Variants in DIPK1A observed in about 807,000 individuals in gnomAD.
DIPK1A encodes divergent protein kinase domain 1A.
Under a neutral mutation model 40.8 loss-of-function variants are expected in DIPK1A, and 27 were observed. That is an observed-to-expected ratio of 0.66 (90% CI 0.49 to 0.91). The LOEUF (loss-of-function observed/expected upper bound fraction) is 0.91, where lower values mean the gene tolerates loss of function less well. DIPK1A is among the 40% of genes least tolerant of loss of function. DIPK1A has a pLI of 0.00. For synonymous variants in DIPK1A, 166 were observed against 171.3 expected (o/e 0.97, Z 0.24); for missense variants, 412 against 505.7 (o/e 0.81, Z 1.78).
intron 1 of DIPK1A, among the ~76,000 whole-genome samples, chr1:92,899,775 AC>A: frequency 6.6e-6 from 1 of 152,142 alleles, no homozygotes; most frequent in Admixed American, 6.5e-5. Flanking sequence ...TTATCTTTTC[AC>A]TTCCAGAGAT....
At position 92,941,965 on chromosome 1, in the gene DIPK1A, G is replaced by A. The variant is rs371345686; in HGVS notation, c.54+19411C>T. ...AGATCACACCATTGCACTCCAGCCT[G>A]GGTGACAGAGGGAGACTCTGTCTCA... On this transcript the variant is annotated intron_variant, in intron 1 of 4. Transcript: ENST00000370310. 6.6e-5 allele frequency among the ~76,000 whole-genome samples: 10 copies of A among 151,582 alleles called. No homozygotes were observed. The East Asian group carries it at 1.7e-3, about 26-fold the overall frequency.
chr1:92,849,140 T>G (rs1687725704), intron 3 of DIPK1A, among the ~76,000 whole-genome samples: 1 of 152,162 alleles, frequency 6.6e-6, no homozygotes, highest in Non-Finnish European at 1.5e-5. Flanking sequence ...TTCAGAAAGG[T>G]CTTCTCTGAT....
At position 92,882,383 on chromosome 1, in the gene DIPK1A, C is replaced by T. The variant is rs148143686; in HGVS notation, c.55-5953G>A. On this transcript the variant is annotated intron_variant, in intron 1 of 4. Coordinates refer to ENST00000370310, the MANE Select transcript of DIPK1A (RefSeq NM_001006605.5). The stretch of plus-strand genomic sequence containing the variant: ...AGCCTGGGCGACAAGAACAAAACTC[C>T]GTCTCAAAAAAATAAATAAATAAAA... Among the ~76,000 whole-genome samples the T allele has an allele frequency of 4.6e-5, 7 of 152,232 alleles. No homozygotes were observed. The East Asian group carries it at 5.8e-4, about 13-fold the overall frequency.
At chr1:92,920,871 T>C (rs1283524054) in intron 1 of DIPK1A, among the ~76,000 whole-genome samples, 9 of 151,970 alleles carry the variant, frequency 5.9e-5, no homozygotes, top group Non-Finnish European at 1.2e-4. Flanking sequence ...TCAGAGAACA[T>C]TGGGTATCAG....
chr1:92,927,178 T>C (rs1284570462), intron 1 of DIPK1A, among the ~76,000 whole-genome samples: 1 of 152,084 alleles, frequency 6.6e-6, no homozygotes, highest in African/African-American at 2.4e-5. Context: ...TAGAATTCAA[T>C]GTTTTGTTGT....
chr1:92,844,423 T>C (rs777533616), intron 4 of DIPK1A, among the ~76,000 whole-genome samples: 4 of 152,288 alleles, frequency 2.6e-5, no homozygotes, highest in East Asian at 1.9e-4. Flanking sequence ...ACTTGTCTGT[T>C]TGTTAGGAAA....
intron 1 of DIPK1A, among the ~76,000 whole-genome samples, chr1:92,886,861 A>G (rs1648621173): frequency 6.6e-6 from 1 of 152,054 alleles, no homozygotes; most frequent in Non-Finnish European, 1.5e-5. Context: ...CAGTTACTCT[A>G]GTTGTCGATA....
At chr1:92,857,656 A>G (rs1688031142) in intron 2 of DIPK1A, among the ~76,000 whole-genome samples, 1 of 152,108 alleles carries the variant, frequency 6.6e-6, no homozygotes, top group Non-Finnish European at 1.5e-5. Flanking sequence ...ATACTGTTCT[A>G]TGAGATTTGC....
chr1:92,937,004 C>T (rs1650972333), intron 1 of DIPK1A, among the ~76,000 whole-genome samples: 2 of 152,152 alleles, frequency 1.3e-5, no homozygotes, highest in South Asian at 4.1e-4. Context: ...CCACTAGCTA[C>T]CAAGAGTTTA....
At chr1:92,882,944 T>TA (rs1423347027) in intron 1 of DIPK1A, among the ~76,000 whole-genome samples, 2 of 152,210 alleles carry the variant, frequency 1.3e-5, no homozygotes, top group Non-Finnish European at 2.9e-5. Context: ...CTTAGAATGT[T>TA]AAACAGCTTT....
chr1:92,860,646 A>AAAAAAAAAAAACCCAGGTG (rs148916481), intron 2 of DIPK1A, among the ~76,000 whole-genome samples: 1 of 105,212 alleles, frequency 9.5e-6, no homozygotes, highest in South Asian at 3.2e-4. Context: ...AAAAAAAAAA[A>AAAAAAAAAAAACCCAGGTG]TGGTGGTGTG....
In DIPK1A at chr1:92,876,430, C is replaced by G. The variant is rs1403177270; in HGVS notation, c.55G>C (p.Ala19Pro). 1.9e-6 allele frequency: 3 copies of G among 1,610,568 alleles called. No individual in the cohort carries two copies. The highest frequency in any genetic ancestry group is 2.2e-5 in the South Asian group (2 of 90,298). The change falls in exon 2 of 5, where the codon GCT (alanine) becomes CCT (proline). Residue 19 changes from alanine (A) to proline (P), a missense_variant and splice_region_variant. Transcript: ENST00000370310. ...TTCATCCGCACATATGAGAAGCGAG[C>G]CTGTGAGTAAAAAAGAACATAACGA... Reference protein sequence around the residue: ...AWLRKPYYLQARFSYVRMKYL... With the variant: ...AWLRKPYYLQPRFSYVRMKYL...
In DIPK1A at chr1:92,899,423, C is replaced by A. The variant is rs755385941; in HGVS notation, c.55-22993G>T. On this transcript the variant is annotated intron_variant, in intron 1 of 4. Coordinates refer to ENST00000370310, the MANE Select transcript of DIPK1A (RefSeq NM_001006605.5). The stretch of plus-strand genomic sequence containing the variant: ...ATATCATTTTCCATCCCTTCACTTT[C>A]AGTCTATATGTGTCTTTACAATTGA... Among the ~76,000 whole-genome samples the A allele has an allele frequency of 2.6e-5, 4 of 152,178 alleles. No individual in the cohort carries two copies. The South Asian group carries it at 6.2e-4, about 24-fold the overall frequency.
intron 2 of DIPK1A, among the ~76,000 whole-genome samples, chr1:92,874,280 T>C (rs1245486765): frequency 2.6e-5 from 4 of 152,230 alleles, no homozygotes; most frequent in African/African-American, 9.6e-5. Flanking sequence ...TGATACAAGA[T>C]ATTTAAAAGC....
rs555983463 is a variant in DIPK1A at position 92,891,380 on chromosome 1, T to C, written c.55-14950A>G. ...TGCTTTTCTAGCTCCTTGAGATACATTGTTAATTCATTTATTTAAAATCTT... is the reference window on the plus strand; with the variant it reads ...TGCTTTTCTAGCTCCTTGAGATACACTGTTAATTCATTTATTTAAAATCTT... On this transcript the variant is annotated intron_variant, in intron 1 of 4. Coordinates refer to ENST00000370310, the MANE Select transcript of DIPK1A (RefSeq NM_001006605.5). Among the ~76,000 whole-genome samples, 24 of 152,240 alleles carry C rather than the reference T, an allele frequency of 1.6e-4. 1 individual carries two copies. The highest frequency in any genetic ancestry group is 1.2e-3 in the South Asian group (6 of 4,830).
intron 2 of DIPK1A, among the ~76,000 whole-genome samples, 176 bp from the exon 3 acceptor site, chr1:92,851,131 A>C (rs1228351268): frequency 6.6e-6 from 1 of 152,160 alleles, no homozygotes; most frequent in Non-Finnish European, 1.5e-5. Context: ...GATTATGAGA[A>C]AGCTTGTTGC....
At chr1:92,867,207 C>G (rs375627684) in intron 2 of DIPK1A, among the ~76,000 whole-genome samples, 1 of 144,124 alleles carries the variant, frequency 6.9e-6, no homozygotes. Context: ...AGTTCTTTTA[C>G]TCCAATTCTT....
chr1:92,928,880 C>G (rs575117390), intron 1 of DIPK1A, among the ~76,000 whole-genome samples: 6 of 151,834 alleles, frequency 4.0e-5, no homozygotes, highest in Non-Finnish European at 7.4e-5. Flanking sequence ...GAGAATTGCT[C>G]GAACCTGGGA....
At position 92,842,883 on chromosome 1, in the gene DIPK1A, C is replaced by G; in HGVS notation, c.*500G>C. 1 of 986,408 alleles carries G rather than the reference C, an allele frequency of 1.0e-6. No homozygotes were observed. Among genetic ancestry groups the G allele is most frequent in the Non-Finnish European group, 1.2e-6 (1 of 830,646 alleles). The allele number at this position is 986,408 out of a possible 1,614,324, so 61.1% of individuals were successfully genotyped here. A position where few individuals can be genotyped will look rare whatever the true frequency, so the allele number is the denominator to read the frequency against. On this transcript the variant is annotated 3_prime_UTR_variant, in exon 5 of 5. Transcript: ENST00000370310. ...TGTATAAGTCTTTAATACAGTAAAC[C>G]ATGCTATTAACCCAACATCTGTTTT...
Sources: allele counts gnomAD v4.1 joint callset (sites outside exome capture counted in the v4.1 genomes callset), GRCh38; gene constraint gnomAD v4.1.1; transcripts MANE v1.5; gene names NCBI Gene and HGNC (gene_info 2026-07-23, HGNC 2026-07-21).